The following PPP6R3 variants were observed in gnomAD, a reference collection of about 807,000 sequenced individuals.
PPP6R3 encodes the protein protein phosphatase 6 regulatory subunit 3.
In PPP6R3, 38 loss-of-function variants were observed where a neutral mutation model predicts 110.7. The ratio of observed to expected loss-of-function variants is 0.34; its 90% CI spans 0.26 to 0.45. The LOEUF is 0.45. Among genes scored for constraint, PPP6R3 ranks in the 20% least tolerant of loss-of-function variants. The pLI is 1.00. For missense variants in PPP6R3, 870 were observed against 1,062.4 expected (o/e 0.82, Z 2.52); for synonymous variants, 369 against 373.5 (o/e 0.99, Z 0.14).
At chr11:68,484,059 T>A (rs2098931534) in intron 1 of PPP6R3, among the ~76,000 whole-genome samples, 1 of 152,242 alleles carries the variant, frequency 6.6e-6, no homozygotes, top group African/African-American at 2.4e-5. Flanking sequence ...AGCTCATTCC[T>A]TTTTAGTGCT....
chr11:68,593,796 G>A (rs751825042), intron 18 of PPP6R3, among the ~76,000 whole-genome samples: 26 of 152,160 alleles, frequency 1.7e-4, no homozygotes, highest in Middle Eastern at 3.4e-3. Context: ...AGGCAGATGG[G>A]TTGCTTGAGC....
At chr11:68,573,138 AT>A (rs1565934473) in intron 12 of PPP6R3, among the ~76,000 whole-genome samples, 38 of 111,130 alleles carry the variant, frequency 3.4e-4, no homozygotes, top group South Asian at 1.3e-3. Context: ...ATATATATAT[AT>A]ATATATATAT....
intron 18 of PPP6R3, among the ~76,000 whole-genome samples, chr11:68,595,213 T>A (rs1489599516): frequency 1.5e-5 from 1 of 64,806 alleles, no homozygotes; most frequent in Admixed American, 1.4e-4. Flanking sequence ...TTTTTTTTTT[T>A]TTTTTTTTTT....
chr11:68,560,903 T>A (rs1403644019), intron 8 of PPP6R3, among the ~76,000 whole-genome samples: 1 of 149,846 alleles, frequency 6.7e-6, no homozygotes, highest in Admixed American at 6.6e-5. Context: ...CCTTTTTTTT[T>A]TTTTTTTTTT....
At chr11:68,514,241 C>CT (rs113039036) in intron 1 of PPP6R3, among the ~76,000 whole-genome samples, 28 of 148,920 alleles carry the variant, frequency 1.9e-4, no homozygotes, top group African/African-American at 4.2e-4. Flanking sequence ...ATGAAAAAAA[C>CT]TTTTTTTTTT....
intron 1 of PPP6R3, among the ~76,000 whole-genome samples, chr11:68,485,728 T>G (rs1452735583): frequency 1.3e-5 from 2 of 152,214 alleles, no homozygotes; most frequent in Admixed American, 6.5e-5. Flanking sequence ...AGAGTCTCAC[T>G]TTGTCACATA....
At chr11:68,470,473 G>A (rs1189846303) in intron 1 of PPP6R3, among the ~76,000 whole-genome samples, 8 of 152,108 alleles carry the variant, frequency 5.3e-5, no homozygotes, top group Admixed American at 2.0e-4. Context: ...AGATGGATGG[G>A]GGAGATGGGG....
At chr11:68,540,787 GC>G (rs1467523493) in intron 3 of PPP6R3, among the ~76,000 whole-genome samples, 2 of 152,186 alleles carry the variant, frequency 1.3e-5, no homozygotes, top group Non-Finnish European at 2.9e-5. Flanking sequence ...TCTCCCATTT[GC>G]TTTTGAAAGA....
chr11:68,544,532 G>A (rs1489781790), intron 3 of PPP6R3, among the ~76,000 whole-genome samples: 2 of 152,230 alleles, frequency 1.3e-5, no homozygotes, highest in African/African-American at 4.8e-5. Context: ...TTTCCTCGCT[G>A]ATCGTGGAGA....
At chr11:68,547,143 T>C (rs552512406) in intron 4 of PPP6R3, among the ~76,000 whole-genome samples, 3 of 152,276 alleles carry the variant, frequency 2.0e-5, no homozygotes, top group South Asian at 4.2e-4. Flanking sequence ...GGCATACATA[T>C]CCAATTTTAA....
At chr11:68,462,012 C>T (rs2098711341) in intron 1 of PPP6R3, among the ~76,000 whole-genome samples, 2 of 152,214 alleles carry the variant, frequency 1.3e-5, no homozygotes, top group South Asian at 2.1e-4. Context: ...TGACCTTGGG[C>T]AAGTTACCCA....
chr11:68,518,759 C>T (rs2099149386), intron 1 of PPP6R3, among the ~76,000 whole-genome samples: 1 of 152,100 alleles, frequency 6.6e-6, no homozygotes, highest in Non-Finnish European at 1.5e-5. Flanking sequence ...ATGTTGCTAT[C>T]ACAATGTAGT....
At chr11:68,486,685 T>A (rs1475301904) in intron 1 of PPP6R3, among the ~76,000 whole-genome samples, 3 of 152,114 alleles carry the variant, frequency 2.0e-5, no homozygotes, top group East Asian at 3.8e-4. Context: ...GTATTATTTT[T>A]TCCTTAAATA....
chr11:68,492,429 G>A (rs182653380), intron 1 of PPP6R3, among the ~76,000 whole-genome samples: 1 of 152,342 alleles, frequency 6.6e-6, no homozygotes, highest in East Asian at 1.9e-4. Context: ...GATTTCAGGC[G>A]TAAGCCACTG....
intron 5 of PPP6R3, among the ~76,000 whole-genome samples, chr11:68,550,031 T>C (rs2099364729): frequency 6.6e-6 from 1 of 152,110 alleles, no homozygotes; most frequent in Non-Finnish European, 1.5e-5. Flanking sequence ...ATGTTTACTC[T>C]CCTCTGTTTC....
At chr11:68,519,960 C>G (rs551599118) in intron 2 of PPP6R3, among the ~76,000 whole-genome samples, 2 of 152,178 alleles carry the variant, frequency 1.3e-5, no homozygotes, top group Non-Finnish European at 2.9e-5. Flanking sequence ...AAAGACTCGC[C>G]GCCCAGGCCA....
At chr11:68,588,134 A>G (rs1593673650) in intron 16 of PPP6R3, 110 bp downstream of exon 16, 3 of 944,060 alleles carry the variant, frequency 3.2e-6, no homozygotes, top group Non-Finnish European at 5.1e-6. Context: ...AGTGGGAGGA[A>G]CCTGCTCTTT....
At chr11:68,597,502 G>GA (rs1442828168) in intron 19 of PPP6R3, among the ~76,000 whole-genome samples, 2 of 152,130 alleles carry the variant, frequency 1.3e-5, no homozygotes, top group Admixed American at 6.5e-5. Flanking sequence ...AAATGGACGA[G>GA]AAAACGCATG....
chr11:68,595,204 T>A (rs1263942800), intron 18 of PPP6R3, among the ~76,000 whole-genome samples: 2 of 60,176 alleles, frequency 3.3e-5, no homozygotes, highest in East Asian at 3.6e-4. Context: ...AAAATAATTT[T>A]TTTTTTTTTT....
Sources: allele counts gnomAD v4.1 joint callset (sites outside exome capture counted in the v4.1 genomes callset), GRCh38; gene constraint gnomAD v4.1.1; transcripts MANE v1.5; gene names NCBI Gene and HGNC (gene_info 2026-07-23, HGNC 2026-07-21).